The following SLF2 variants were observed in gnomAD, a reference collection of about 807,000 sequenced individuals.
SLF2 encodes SMC5/6 complex localization factor 2.
In SLF2, 68 loss-of-function variants were observed where a neutral mutation model predicts 124.3. That is an observed-to-expected ratio of 0.55 (90% CI 0.45 to 0.67). The LOEUF is 0.67. Ranked by LOEUF, SLF2 falls within the 30% of genes least tolerant of loss-of-function variation. The probability of loss-of-function intolerance (pLI) is 0.00; values close to 1 mark genes in which losing one functional copy is unlikely to be tolerated. For synonymous variants in SLF2, 480 were observed against 478.8 expected, an observed-to-expected ratio of 1.00 and a Z score of -0.03; for missense variants, 1,246 against 1,373.7, an observed-to-expected ratio of 0.91 and a Z score of 1.47.
chr10:100,938,309 A>AT (rs146981768), intron 10 of SLF2, among the ~76,000 whole-genome samples: 11,778 of 152,160 alleles, frequency 0.077, 607 homozygotes, highest in Non-Finnish European at 0.11. Flanking sequence ...GATAGTTGGG[A>AT]TTTTATCAGT....
At chr10:100,935,661 C>T (rs1269500284) in intron 9 of SLF2, among the ~76,000 whole-genome samples, 3 of 151,254 alleles carry the variant, frequency 2.0e-5, no homozygotes, top group Admixed American at 2.0e-4. Flanking sequence ...GCCTGGGCAA[C>T]AGAGTGAGAC....
At chr10:100,919,512 GA>G (rs35056238) in intron 4 of SLF2, among the ~76,000 whole-genome samples, 39,542 of 151,874 alleles carry the variant, frequency 0.26, 5,871 homozygotes, top group East Asian at 0.56. Context: ...TTTATTGATT[GA>G]AAAAAATATA....
In SLF2 at chr10:100,913,197, C is replaced by G; in HGVS notation, c.87C>G (p.Pro29=). ...GSSPPRCHLR[P]GSTAHAAAGK... Reference sequence around the variant, plus strand: ...CGCCCCCGCGCTGCCATCTGAGACCCGGTAGTACCGCCCATGCTGCAGCGG... The same window carrying G: ...CGCCCCCGCGCTGCCATCTGAGACCGGGTAGTACCGCCCATGCTGCAGCGG... Residue 29 remains proline, a synonymous_variant, in exon 1 of 20, where the codon CCC becomes CCG. Transcript: ENST00000238961. The G allele has an allele frequency of 6.2e-7, 1 of 1,612,772 alleles. No homozygotes were observed. Among genetic ancestry groups the G allele is most frequent in the South Asian group, 1.1e-5 (1 of 90,780 alleles).
At chr10:100,925,216 C>T (rs1849592711) in intron 5 of SLF2, among the ~76,000 whole-genome samples, 2 of 152,208 alleles carry the variant, frequency 1.3e-5, no homozygotes, top group Non-Finnish European at 2.9e-5. Context: ...TGTACCCCAA[C>T]ATATATGTAT....
At position 100,916,847 on chromosome 10, in the gene SLF2, A is replaced by G. The variant is rs771870473; in HGVS notation, c.462A>G (p.Ser154=). 3.1e-6 allele frequency: 5 copies of G among 1,614,218 alleles called. No individual in the cohort carries two copies. The highest frequency in any genetic ancestry group is 2.2e-5 in the East Asian group (1 of 44,892). ...GAACAAATATCTATGTTCCTTCTTC[A>G]TATCACTTGCCAAAGGAGATGAAGT... The part of the protein sequence containing the change: ...AKGTNIYVPS[S]YHLPKEMKSL... Residue 154 remains serine, a synonymous_variant, in exon 3 of 20, where the codon TCA becomes TCG. Coordinates refer to ENST00000238961, the MANE Select transcript of SLF2 (RefSeq NM_018121.4).
intron 4 of SLF2, among the ~76,000 whole-genome samples, chr10:100,919,922 T>C (rs964138909): frequency 6.6e-6 from 1 of 152,254 alleles, no homozygotes; most frequent in Admixed American, 6.5e-5. Context: ...ATTTATATTT[T>C]AGAGGTGCAT....
chr10:100,956,336 AT>A, intron 17 of SLF2, 114 bp from the exon 18 acceptor site: 1 of 727,002 alleles, frequency 1.4e-6, no homozygotes, highest in Non-Finnish European at 2.3e-6. Flanking sequence ...AATATCAGTC[AT>A]TGCTAACAGG....
rs1489077105 is a variant in SLF2 at position 100,950,721 on chromosome 10, AGTT to A, written c.3302_3304del (p.Cys1101del). On this transcript the variant is annotated inframe_deletion, in exon 17 of 20. Transcript: ENST00000238961. ...TCTTCTTCATTTAGTCGGTGAAGTT[AGTT>A]GTTCTCATTCTTTTTCTTCTGGACA... The A allele has an allele frequency of 2.5e-6, 4 of 1,613,882 alleles. No individual in the cohort carries two copies. Among genetic ancestry groups the A allele is most frequent in the African/African-American group, 2.7e-5 (2 of 74,924 alleles).
At chr10:100,953,947 C>T (rs1043351807) in intron 17 of SLF2, among the ~76,000 whole-genome samples, 14 of 151,968 alleles carry the variant, frequency 9.2e-5, no homozygotes, top group African/African-American at 2.9e-4. Context: ...CCACTGTGCC[C>T]GGCCTCCTCT....
At chr10:100,926,124 T>C in intron 6 of SLF2, 105 bp downstream of exon 6, 1 of 1,586,972 alleles carries the variant, frequency 6.3e-7, no homozygotes, top group African/African-American at 1.3e-5. Flanking sequence ...TTAGCGTGCA[T>C]TTTGGACTCT....
intron 6 of SLF2, among the ~76,000 whole-genome samples, chr10:100,928,710 CT>C (rs1236615805): frequency 6.6e-6 from 1 of 152,120 alleles, no homozygotes; most frequent in Non-Finnish European, 1.5e-5. Flanking sequence ...AGTTACTTTG[CT>C]TTTCTAATGT....
intron 8 of SLF2, among the ~76,000 whole-genome samples, 173 bp from the exon 9 acceptor site, chr10:100,930,803 C>A (rs542856894): frequency 5.3e-5 from 8 of 152,268 alleles, no homozygotes; most frequent in Admixed American, 2.6e-4. Flanking sequence ...TTTAGGCCAT[C>A]AATTAAATTT....
At chr10:100,918,271 A>G (rs1849459014) in intron 3 of SLF2, 113 bp from the exon 4 acceptor site, 9 of 560,120 alleles carry the variant, frequency 1.6e-5, no homozygotes, top group Non-Finnish European at 2.5e-5. Flanking sequence ...ACCTCCAAAT[A>G]TGGGTGCTTG....
chr10:100,962,224 A>C lies in SLF2; in HGVS notation c.*312A>C, dbSNP rs1850438046. ...CCCAGTTAACTCCTCTTGTTAAATTATAAGCCAGTTATCTTTTTTAGATAG... is the reference window on the plus strand; with the variant it reads ...CCCAGTTAACTCCTCTTGTTAAATTCTAAGCCAGTTATCTTTTTTAGATAG... On this transcript the variant is annotated 3_prime_UTR_variant, in exon 20 of 20. Coordinates refer to ENST00000238961, the MANE Select transcript of SLF2 (RefSeq NM_018121.4). 1 of 214,212 alleles carries C rather than the reference A, an allele frequency of 4.7e-6. No homozygotes were observed. Among genetic ancestry groups the C allele is most frequent in the South Asian group, 1.8e-4 (1 of 5,552 alleles). 13.3% of individuals were successfully genotyped at this position (214,212 alleles called of 1,614,324 possible).
chr10:100,926,091 C>CT (rs1440382317), intron 6 of SLF2, 72 bp downstream of exon 6: 1 of 1,612,182 alleles, frequency 6.2e-7, no homozygotes, highest in Non-Finnish European at 8.5e-7. Context: ...TTTAATTTAC[C>CT]TTTTTTAAAA....
Position 100,962,527 on chromosome 10 carries a change from G to A in SLF2, c.*615G>A, listed in dbSNP as rs1271317842. 2 of 152,592 alleles carry A rather than the reference G, an allele frequency of 1.3e-5. No homozygotes were observed. Among genetic ancestry groups the A allele is most frequent in the Admixed American group, 6.5e-5 (1 of 15,278 alleles). 9.5% of individuals were successfully genotyped at this position (152,592 alleles called of 1,614,324 possible). A position where few individuals can be genotyped will look rare whatever the true frequency, so the allele number is the denominator to read the frequency against. On this transcript the variant is annotated 3_prime_UTR_variant, in exon 20 of 20. Transcript: ENST00000238961. ...TTTTTAAAATACATCTAAACAAACA[G>A]TTGAGAAACAAAAGTTTGGCATGTT...
chr10:100,955,916 AAAAAG>A (rs1343372952), intron 17 of SLF2, among the ~76,000 whole-genome samples: 1 of 151,894 alleles, frequency 6.6e-6, no homozygotes, highest in Non-Finnish European at 1.5e-5. Flanking sequence ...AAAAAAAAAA[AAAAAG>A]AACTGGGCAC....
chr10:100,960,998 C>CTT (rs59983480), intron 19 of SLF2, among the ~76,000 whole-genome samples: 14,881 of 61,190 alleles, frequency 0.24, 5,433 homozygotes, highest in Non-Finnish European at 0.31. Flanking sequence ...TTCTGTACTT[C>CTT]TTTTTTTTTT....
chr10:100,917,177 G>T lies in SLF2; in HGVS notation c.792G>T (p.Glu264Asp). Residue 264 changes from glutamate (E) to aspartate (D), a missense_variant, in exon 3 of 20, where the codon GAG becomes GAT. Physicochemically the swap from Glu to Asp is conservative, Grantham distance 45. Coordinates refer to ENST00000238961, the MANE Select transcript of SLF2 (RefSeq NM_018121.4). ...AAATGGAGCAGAGAATCAACTCCGA[G>T]AATTCTTTCTCAGAAGCAAGCAGTC... ...KEQMEQRINSENSFSEASSLS... is the reference protein window; with the variant it reads ...KEQMEQRINSDNSFSEASSLS... 1 of 1,614,046 alleles carries T rather than the reference G, an allele frequency of 6.2e-7. No individual in the cohort carries two copies.
Sources: allele counts gnomAD v4.1 joint callset (sites outside exome capture counted in the v4.1 genomes callset), GRCh38; gene constraint gnomAD v4.1.1; transcripts MANE v1.5; gene names NCBI Gene and HGNC (gene_info 2026-07-23, HGNC 2026-07-21).